The following GLRA1 variants were observed in gnomAD, a reference collection of about 807,000 sequenced individuals.
GLRA1 encodes glycine receptor subunit alpha-1.
GLRA1 carries 37 observed loss-of-function variants against 48.3 expected under a neutral mutation model. The observed-to-expected ratio is 0.77, with a 90% confidence interval of 0.59 to 1.01. The LOEUF is 1.01. Among genes scored for constraint, GLRA1 ranks in the 50% least tolerant of loss-of-function variants. GLRA1 has a pLI of 0.00. For synonymous variants in GLRA1, 196 were observed against 210.7 expected (o/e 0.93, Z 0.60); for missense variants, 427 against 571.0 (o/e 0.75, Z 2.57).
intron 7 of GLRA1, among the ~76,000 whole-genome samples, chr5:151,845,747 A>T (rs868808689): frequency 3.6e-4 from 55 of 152,348 alleles, no homozygotes; most frequent in African/African-American, 1.1e-3. Context: ...ACATGTCCAC[A>T]CAAAAACTTG....
chr5:151,839,164 A>G (rs1405748470), intron 7 of GLRA1, among the ~76,000 whole-genome samples: 1 of 152,244 alleles, frequency 6.6e-6, no homozygotes. Flanking sequence ...TGTATCCCTT[A>G]AAAATGAAAA....
At chr5:151,842,689 G>C (rs943181581) in intron 7 of GLRA1, among the ~76,000 whole-genome samples, 1 of 152,176 alleles carries the variant, frequency 6.6e-6, no homozygotes, top group Admixed American at 6.5e-5. Context: ...CCAGGAATGA[G>C]ACAGGAATAT....
intron 3 of GLRA1, among the ~76,000 whole-genome samples, chr5:151,860,389 C>A (rs1181372087): frequency 2.0e-5 from 3 of 151,974 alleles, no homozygotes; most frequent in African/African-American, 7.3e-5. Context: ...AAATACATTG[C>A]AGATAAATTG....
intron 7 of GLRA1, chr5:151,849,104 T>TTTTCTTTCTTTC (rs201652614): frequency 0.1 from 12,070 of 116,672 alleles, 1,051 homozygotes; most frequent in Admixed American, 0.13. Context: ...ATTTCTTTTC[T>TTTTCTTTCTTTC]TTTCTTTCTT....
rs774175391 is a variant in GLRA1, at chr5:151,822,951, C to T, written c.1072G>A (p.Gly358Arg). The change falls in exon 9 of 9, where the codon GGA becomes AGA. Residue 358 changes from glycine (G) to arginine (R), a missense_variant. Gly to Arg is a moderately radical substitution (Grantham distance 125). Around this residue, in one of 4 missense-constraint regions of GLRA1, gnomAD observed 31 missense variants for 21.9 expected, o/e 1.41. Coordinates refer to ENST00000274576, the MANE Select transcript of GLRA1 (RefSeq NM_000171.4). ...GCAGAGAAGTTAAAGCGGCCTTCTC[C>T]AGCTTCATCCTCCTGGAATAGATTC... ...KRRHHKEDEA[G>R]EGRFNFSAYG... 4.4e-6 allele frequency: 7 copies of T among 1,606,540 alleles called. No individual in the cohort carries two copies. The African/African-American group carries it at 8.0e-5, about 18-fold the overall frequency.
At chr5:151,850,337 C>T in intron 7 of GLRA1, 5 of 1,523,070 alleles carry the variant, frequency 3.3e-6, no homozygotes, top group Non-Finnish European at 1.8e-6. Flanking sequence ...TCTGGGTGGG[C>T]TGTTTCATTT....
Position 151,859,674 on chromosome 5 carries a change from T to G in GLRA1, c.476+111A>C, listed in dbSNP as rs576371942. ...TACCTATTCTGCAAAGGTGTTGGGT[T>G]GCCAGGGCCTGTTCACCTCTGTTTG... On this transcript the variant is annotated intron_variant, in intron 4 of 8. Coordinates refer to ENST00000274576, the MANE Select transcript of GLRA1 (RefSeq NM_000171.4). 3.9e-4 allele frequency: 303 copies of G among 773,950 alleles called. 1 individual carries two copies. The highest frequency in any genetic ancestry group is 6.1e-4 in the Non-Finnish European group (265 of 436,812). 47.9% of individuals were successfully genotyped at this position (773,950 alleles called of 1,614,324 possible).
intron 1 of GLRA1, among the ~76,000 whole-genome samples, chr5:151,903,618 T>G (rs1047384462): frequency 1.3e-5 from 2 of 152,134 alleles, no homozygotes; most frequent in African/African-American, 4.8e-5. Context: ...AAAAAGACAT[T>G]CATTGATCAC....
At chr5:151,856,477 G>C (rs1302234205) in intron 4 of GLRA1, 94 bp from the exon 5 acceptor site, 1 of 823,986 alleles carries the variant, frequency 1.2e-6, no homozygotes, top group Non-Finnish European at 2.1e-6. Flanking sequence ...AGTTGCCCAG[G>C]ATAGGGAAAG....
At chr5:151,862,027 AC>A (rs1033900553) in intron 3 of GLRA1, among the ~76,000 whole-genome samples, 1 of 152,250 alleles carries the variant, frequency 6.6e-6, no homozygotes, top group African/African-American at 2.4e-5. Context: ...CTGACTTCAA[AC>A]TATACTATAA....
chr5:151,830,641 T>C (rs555991467), intron 7 of GLRA1, among the ~76,000 whole-genome samples: 6 of 152,368 alleles, frequency 3.9e-5, no homozygotes, highest in South Asian at 2.1e-4. Context: ...AGGAGACTTA[T>C]AGTTTCCAGG....
chr5:151,874,735 T>A (rs1286126930), intron 3 of GLRA1, among the ~76,000 whole-genome samples: 1 of 152,102 alleles, frequency 6.6e-6, no homozygotes, highest in African/African-American at 2.4e-5. Flanking sequence ...GGAGAAGGAC[T>A]CCCTGAAGCA....
intron 1 of GLRA1, among the ~76,000 whole-genome samples, chr5:151,904,796 T>C (rs754454873): frequency 1.3e-5 from 2 of 152,216 alleles, no homozygotes; most frequent in Non-Finnish European, 1.5e-5. Context: ...TGGCACAGTG[T>C]AAATGTTCAA....
chr5:151,847,440 G>A (rs1204870177), intron 7 of GLRA1, among the ~76,000 whole-genome samples: 1 of 152,180 alleles, frequency 6.6e-6, no homozygotes, highest in East Asian at 1.9e-4. Context: ...GGAACATTAT[G>A]TTTAGCGTTA....
intron 4 of GLRA1, among the ~76,000 whole-genome samples, chr5:151,859,107 C>T (rs962598813): frequency 3.3e-5 from 5 of 152,134 alleles, no homozygotes; most frequent in Admixed American, 1.3e-4. Context: ...ATGAAAAGTA[C>T]CTGGCATAGT....
chr5:151,913,438 A>G, intron 1 of GLRA1, among the ~76,000 whole-genome samples: 1 of 152,194 alleles, frequency 6.6e-6, no homozygotes, highest in Non-Finnish European at 1.5e-5. Flanking sequence ...GGACAATGAG[A>G]AATCCATTTT....
At chr5:151,905,276 G>A (rs1754449668) in intron 1 of GLRA1, among the ~76,000 whole-genome samples, 1 of 151,956 alleles carries the variant, frequency 6.6e-6, no homozygotes, top group African/African-American at 2.4e-5. Context: ...GATATCTACT[G>A]TTAACATATT....
At chr5:151,877,389 A>C (rs575036163) in intron 3 of GLRA1, among the ~76,000 whole-genome samples, 77 of 152,340 alleles carry the variant, frequency 5.1e-4, no homozygotes, top group Non-Finnish European at 8.1e-4. Context: ...ACAGAACTCT[A>C]TCTCTAGAGC....
chr5:151,855,879 C>T (rs116045429), intron 5 of GLRA1, among the ~76,000 whole-genome samples: 2,734 of 152,332 alleles, frequency 0.018, 38 homozygotes, highest in South Asian at 0.073. Flanking sequence ...AGGAAGCACG[C>T]TTTCTGCCAC....
Sources: allele counts gnomAD v4.1 joint callset (sites outside exome capture counted in the v4.1 genomes callset), GRCh38; gene constraint gnomAD v4.1.1; regional missense constraint gnomAD v4.1.1; transcripts MANE v1.5; gene names NCBI Gene and HGNC (gene_info 2026-07-23, HGNC 2026-07-21).